EEPD1: variants seen among roughly 807,000 people sequenced by gnomAD.
EEPD1 encodes the protein endonuclease/exonuclease/phosphatase family domain containing 1.
In EEPD1, 17 loss-of-function variants were observed where a neutral mutation model predicts 46.3. The observed-to-expected ratio is 0.37, with a 90% CI of 0.25 to 0.55. The LOEUF is 0.55. Ranked by LOEUF, EEPD1 falls within the 20% of genes least tolerant of loss-of-function variation. The probability of loss-of-function intolerance (pLI) is 0.83; values close to 1 mark genes in which losing one functional copy is unlikely to be tolerated. For missense variants in EEPD1, 673 were observed against 745.6 expected (o/e 0.90, Z 1.13); for synonymous variants, 313 against 315.6 (o/e 0.99, Z 0.09).
chr7:36,274,038 G>C (rs1486988231), intron 3 of EEPD1, among the ~76,000 whole-genome samples: 1 of 152,212 alleles, frequency 6.6e-6, no homozygotes, highest in Non-Finnish European at 1.5e-5. Flanking sequence ...TGGCCCTGGA[G>C]CCCCCAAGAC....
intron 6 of EEPD1, among the ~76,000 whole-genome samples, chr7:36,292,562 C>T (rs536206967): frequency 6.6e-6 from 1 of 151,890 alleles, no homozygotes; most frequent in African/African-American, 2.4e-5. Context: ...GGCTGGAGTG[C>T]AGTGGAGCCA....
At position 36,167,742 on chromosome 7, in the gene EEPD1, G is replaced by A. The variant is rs146563215; in HGVS notation, c.878+12540G>A. On this transcript the variant is annotated intron_variant, in intron 2 of 7. Coordinates refer to ENST00000242108, the MANE Select transcript of EEPD1 (RefSeq NM_030636.3). ...TATTATTATTATTATTAGAGACAGA[G>A]TCTCTCTCTGTGGCCCAGGCTGAAG... 4.8e-3 allele frequency among the ~76,000 whole-genome samples: 730 copies of A among 152,114 alleles called. 3 individuals carry two copies. Among genetic ancestry groups the A allele is most frequent in the Non-Finnish European group, 7.8e-3 (530 of 68,000 alleles).
At chr7:36,181,424 A>C (rs1785267758) in intron 2 of EEPD1, among the ~76,000 whole-genome samples, 1 of 152,192 alleles carries the variant, frequency 6.6e-6, no homozygotes, top group East Asian at 1.9e-4. Flanking sequence ...AGAGTCAATC[A>C]TTTTGACTTA....
Position 36,296,030 on chromosome 7 carries a change from C to CAAAAAAAAAAAAAAAAAAAAAAAA in EEPD1, c.1316-961_1316-938dup, listed in dbSNP as rs34494609. 2.8e-5 allele frequency among the ~76,000 whole-genome samples: 2 copies of CAAAAAAAAAAAAAAAAAAAAAAAA among 71,950 alleles called. 1 individual carries two copies. Among genetic ancestry groups the CAAAAAAAAAAAAAAAAAAAAAAAA allele is most frequent in the Non-Finnish European group, 4.7e-5 (2 of 42,920 alleles). The allele number at this position is 71,950 out of a possible 152,430, so 47.2% of individuals were successfully genotyped here. ...CGGCCAACAGAGTGAGACTGTCTCACAAAAAAAAAAAAAAAAAAAAAAAAA... is the reference window on the plus strand; with the variant it reads ...CGGCCAACAGAGTGAGACTGTCTCACAAAAAAAAAAAAAAAAAAAAAAAAAAAAAAAAAAAAAAAAAAAAAAAAA... On this transcript the variant is annotated intron_variant, in intron 6 of 7. Transcript: ENST00000242108.
intron 3 of EEPD1, among the ~76,000 whole-genome samples, chr7:36,270,602 C>T (rs1292703753): frequency 1.3e-5 from 2 of 152,126 alleles, no homozygotes; most frequent in Non-Finnish European, 2.9e-5. Context: ...TGATAGTTTC[C>T]AGCTTCATCC....
intron 2 of EEPD1, among the ~76,000 whole-genome samples, chr7:36,166,290 G>A (rs1784980058): frequency 6.6e-6 from 1 of 152,216 alleles, no homozygotes; most frequent in Non-Finnish European, 1.5e-5. Context: ...AATGCAAGTA[G>A]TTGTTAGATA....
intron 7 of EEPD1, 73 bp downstream of exon 7, chr7:36,297,260 G>A: frequency 6.6e-7 from 1 of 1,523,704 alleles, no homozygotes; most frequent in Non-Finnish European, 9.0e-7. Flanking sequence ...ACTGACAGAA[G>A]TCATCTCACC....
intron 3 of EEPD1, among the ~76,000 whole-genome samples, chr7:36,269,688 G>T (rs1369714945): frequency 6.6e-6 from 1 of 152,164 alleles, no homozygotes; most frequent in African/African-American, 2.4e-5. Flanking sequence ...CTGAACCCAG[G>T]AGTTTAAGAG....
At chr7:36,275,158 G>A (rs1787164632) in intron 3 of EEPD1, among the ~76,000 whole-genome samples, 1 of 152,192 alleles carries the variant, frequency 6.6e-6, no homozygotes, top group Admixed American at 6.5e-5. Flanking sequence ...GCTTCATCTG[G>A]AAATTTGACC....
chr7:36,213,807 C>G (rs1371028054), intron 2 of EEPD1, among the ~76,000 whole-genome samples: 1 of 151,552 alleles, frequency 6.6e-6, no homozygotes, highest in African/African-American at 2.4e-5. Flanking sequence ...TGGGCGTGTA[C>G]CCCCCCGGAT....
In EEPD1 at chr7:36,169,128, G is replaced by A. The variant is rs369352780; in HGVS notation, c.878+13926G>A. Among the ~76,000 whole-genome samples, 14 of 152,232 alleles carry A rather than the reference G, an allele frequency of 9.2e-5. No homozygotes were observed. In the East Asian group the frequency reaches 1.5e-3, roughly 17 times the overall value. ...TTTATCCATTCATCAGGTGATGGAC[G>A]TTTGGGTTGTTTCCACTTTTTGGCT... is the stretch of plus-strand genomic sequence containing the variant. On this transcript the variant is annotated intron_variant, in intron 2 of 7. Coordinates refer to ENST00000242108, the MANE Select transcript of EEPD1 (RefSeq NM_030636.3).
intron 3 of EEPD1, among the ~76,000 whole-genome samples, chr7:36,268,335 A>G (rs553260863): frequency 6.6e-6 from 1 of 151,956 alleles, no homozygotes; most frequent in Admixed American, 6.5e-5. Flanking sequence ...TAATTTTTGT[A>G]TTTTTAGTGG....
At chr7:36,278,430 C>T (rs1787213673) in intron 3 of EEPD1, among the ~76,000 whole-genome samples, 1 of 140,416 alleles carries the variant, frequency 7.1e-6, no homozygotes, top group African/African-American at 2.6e-5. Context: ...GTCACAGCAC[C>T]TTGGTGTGTT....
chr7:36,172,555 A>T (rs1048597988), intron 2 of EEPD1, among the ~76,000 whole-genome samples: 1 of 151,662 alleles, frequency 6.6e-6, no homozygotes, highest in Non-Finnish European at 1.5e-5. Context: ...GGCTGCATGC[A>T]GCCCAGGATG....
intron 2 of EEPD1, among the ~76,000 whole-genome samples, chr7:36,183,041 G>A (rs1418029977): frequency 5.9e-5 from 9 of 152,306 alleles, no homozygotes; most frequent in South Asian, 2.1e-4. Context: ...CAGCTCAGGC[G>A]GACAGGGCTC....
intron 2 of EEPD1, among the ~76,000 whole-genome samples, chr7:36,237,234 C>T (rs576890330): frequency 5.3e-4 from 80 of 152,298 alleles, no homozygotes; most frequent in Non-Finnish European, 1.0e-3. Flanking sequence ...GAACAAACTC[C>T]GGACACACCA....
At chr7:36,213,543 C>T (rs551054091) in intron 2 of EEPD1, among the ~76,000 whole-genome samples, 40 of 152,244 alleles carry the variant, frequency 2.6e-4, no homozygotes, top group African/African-American at 4.3e-4. Flanking sequence ...AGGGAGAAAA[C>T]GTGATTGCCC....
At chr7:36,263,070 G>T (rs1465277785) in intron 3 of EEPD1, among the ~76,000 whole-genome samples, 1 of 152,186 alleles carries the variant, frequency 6.6e-6, no homozygotes, top group Non-Finnish European at 1.5e-5. Flanking sequence ...GTTCATGGTG[G>T]TGCATGCCTG....
chr7:36,154,675 C>T lies in EEPD1; in HGVS notation c.351C>T (p.Asp117=), dbSNP rs774609433. The T allele has an allele frequency of 5.0e-6, 8 of 1,613,466 alleles. No individual in the cohort carries two copies. The highest frequency in any genetic ancestry group is 6.8e-6 in the Non-Finnish European group (8 of 1,179,966). The change falls in exon 2 of 8, where the codon GAC becomes GAT. Residue 117 remains aspartate (D), a synonymous_variant. Coordinates refer to ENST00000242108, the MANE Select transcript of EEPD1 (RefSeq NM_030636.3). The surrounding 1 kb of genome is among the most constrained non-coding windows in gnomAD (Gnocchi z 4.2). ...AQHSPSSLRR[D]LLAEQQPHHL... ...ACTCTCCCAGTTCCCTGCGGCGGGACCTGCTAGCGGAGCAGCAGCCTCACC... is the reference window on the plus strand; with the variant it reads ...ACTCTCCCAGTTCCCTGCGGCGGGATCTGCTAGCGGAGCAGCAGCCTCACC...
Sources: gnomAD v4.1 joint callset for allele counts (sites outside exome capture counted in the v4.1 genomes callset) on GRCh38, gnomAD v4.1.1 for gene constraint, Gnocchi (gnomAD v3.1) non-coding constraint, MANE v1.5 for transcripts, NCBI Gene and HGNC (gene_info 2026-07-23, HGNC 2026-07-21) for gene names.